Variants in CLXN observed in about 807,000 individuals in gnomAD.
CLXN encodes the protein EF-hand calcium binding domain 1.
At chr8:48,719,108 C>T in the CLXN span, among the ~76,000 whole-genome samples, 1 of 151,288 alleles carries the variant, frequency 6.6e-6, no homozygotes, top group Admixed American at 6.6e-5. Context: ...ACAATGGATG[C>T]TTCAGAAATA....
the CLXN span, chr8:48,731,460 G>A: frequency 1.2e-6 from 2 of 1,612,184 alleles, no homozygotes; most frequent in East Asian, 2.2e-5. Context: ...CTCCCACCAA[G>A]TCATAAAAAA....
chr8:48,730,679 TGCA>T, the CLXN span: 3 of 1,307,490 alleles, frequency 2.3e-6, no homozygotes, highest in South Asian at 3.7e-5. Flanking sequence ...ACACCTGTCC[TGCA>T]TAATAACTCT....
the CLXN span, among the ~76,000 whole-genome samples, chr8:48,720,948 T>C: frequency 2.6e-5 from 4 of 152,150 alleles, no homozygotes; most frequent in East Asian, 5.8e-4. Context: ...CATTGAAATA[T>C]TGGGGGCAGG....
the CLXN span, among the ~76,000 whole-genome samples, chr8:48,714,413 A>C: frequency 5.9e-5 from 9 of 152,234 alleles, no homozygotes; most frequent in African/African-American, 1.9e-4. Context: ...AAGGCTCTTG[A>C]ACAGAGCTTA....
the CLXN span, chr8:48,730,715 T>C: frequency 1.2e-6 from 1 of 802,544 alleles, no homozygotes; most frequent in Non-Finnish European, 2.0e-6. Context: ...TACATTGGCA[T>C]CACTCACTTT....
At chr8:48,730,518 A>C in the CLXN span, 1 of 1,512,308 alleles carries the variant, frequency 6.6e-7, no homozygotes, top group South Asian at 1.1e-5. Context: ...GTACGAACCA[A>C]TAGGACAACC....
the CLXN span, chr8:48,729,047 GA>G: frequency 6.2e-7 from 1 of 1,608,278 alleles, no homozygotes; most frequent in Non-Finnish European, 8.5e-7. Flanking sequence ...AATACCTTTG[GA>G]TCAGGAAGAC....
At chr8:48,711,003 T>C in the CLXN span, 1 of 152,138 alleles carries the variant, frequency 6.6e-6, no homozygotes, top group African/African-American at 2.4e-5. Flanking sequence ...ACTTTCAAAG[T>C]TCATGTGACC....
At chr8:48,727,010 T>C in the CLXN span, among the ~76,000 whole-genome samples, 1 of 147,750 alleles carries the variant, frequency 6.8e-6, no homozygotes, top group East Asian at 2.0e-4. Context: ...CATCCATCCA[T>C]CCATCCATCC....
the CLXN span, among the ~76,000 whole-genome samples, chr8:48,718,249 G>T: frequency 2.0e-5 from 3 of 152,010 alleles, no homozygotes; most frequent in Admixed American, 6.5e-5. Flanking sequence ...ACTGAGAAAT[G>T]GTCAATTCAA....
At chr8:48,725,664 C>T in the CLXN span, among the ~76,000 whole-genome samples, 92 of 152,024 alleles carry the variant, frequency 6.1e-4, 1 homozygote, top group Non-Finnish European at 7.4e-5. Flanking sequence ...ATTATCCGGG[C>T]GTGGTGGCGC....
At chr8:48,716,061 C>T in the CLXN span, 1 of 152,344 alleles carries the variant, frequency 6.6e-6, no homozygotes, top group Non-Finnish European at 1.5e-5. Flanking sequence ...GAGCGGGAGC[C>T]CACCCAGACA....
the CLXN span, among the ~76,000 whole-genome samples, chr8:48,722,137 G>A: frequency 1.3e-5 from 2 of 151,902 alleles, no homozygotes; most frequent in African/African-American, 4.8e-5. Context: ...TTTAGAAATG[G>A]GCAAAAAACC....
At chr8:48,721,060 GACA>G in the CLXN span, among the ~76,000 whole-genome samples, 1 of 151,942 alleles carries the variant, frequency 6.6e-6, no homozygotes, top group Non-Finnish European at 1.5e-5. Context: ...ACACAACAAT[GACA>G]ACAACAACAG....
At chr8:48,733,995 T>C in the CLXN span, among the ~76,000 whole-genome samples, 4 of 152,206 alleles carry the variant, frequency 2.6e-5, no homozygotes, top group South Asian at 8.3e-4. Flanking sequence ...CATCAGAGTA[T>C]AGTAGTCATA....
At chr8:48,734,351 T>C in the CLXN span, among the ~76,000 whole-genome samples, 2 of 152,226 alleles carry the variant, frequency 1.3e-5, no homozygotes, top group African/African-American at 4.8e-5. Context: ...AGTGCAATTA[T>C]GTTTTTCAGT....
At chr8:48,727,774 G>A in the CLXN span, among the ~76,000 whole-genome samples, 1,129 of 152,306 alleles carry the variant, frequency 7.4e-3, 8 homozygotes, top group Admixed American at 0.014. Context: ...GGGGATGACA[G>A]TGGAAGCCAG....
At chr8:48,716,584 A>G in the CLXN span, 1 of 152,286 alleles carries the variant, frequency 6.6e-6, no homozygotes, top group Non-Finnish European at 1.5e-5. Flanking sequence ...CAACACGTGA[A>G]CAAAACTAGA....
At chr8:48,712,782 C>T in the CLXN span, among the ~76,000 whole-genome samples, 1 of 152,028 alleles carries the variant, frequency 6.6e-6, no homozygotes, top group African/African-American at 2.4e-5. Context: ...GGGCAGATCA[C>T]AAGGTCAGGA....
Sources: allele counts gnomAD v4.1 joint callset (sites outside exome capture counted in the v4.1 genomes callset), GRCh38; gene constraint gnomAD v4.1.1; transcripts MANE v1.5; gene names NCBI Gene and HGNC (gene_info 2026-07-23, HGNC 2026-07-21).